Variants in GRM5 observed in about 807,000 individuals in gnomAD.
GRM5 encodes metabotropic glutamate receptor 5.
A neutral mutation model predicts 83.1 loss-of-function variants in GRM5; 19 were observed. The observed-to-expected ratio is 0.23, with a 90% CI of 0.16 to 0.34. The LOEUF (loss-of-function observed/expected upper bound fraction) is 0.34. GRM5 is among the 10% of genes least tolerant of loss of function. GRM5 has a pLI of 1.00. For missense variants in GRM5, 1,160 were observed against 1,588.3 expected (o/e 0.73, Z 4.58); for synonymous variants, 675 against 633.6 (o/e 1.07, Z -0.98).
chr11:88,634,385 A>C (rs1939061593), intron 4 of GRM5, among the ~76,000 whole-genome samples: 1 of 152,214 alleles, frequency 6.6e-6, no homozygotes, highest in African/African-American at 2.4e-5. Context: ...AATAACACAT[A>C]GCTTAAAACA....
chr11:88,764,405 G>A (rs1177435642), intron 3 of GRM5, among the ~76,000 whole-genome samples: 1 of 151,564 alleles, frequency 6.6e-6, no homozygotes, highest in Non-Finnish European at 1.5e-5. Context: ...CATAGACATT[G>A]TTTTTATGTG....
chr11:89,064,888 CTGTGTGTGTGTG>C (rs71464050), intron 1 of GRM5, among the ~76,000 whole-genome samples: 2 of 62,212 alleles, frequency 3.2e-5, no homozygotes, highest in African/African-American at 1.4e-4. Context: ...CTCTCTCTCT[CTGTGTGTGTGTG>C]TGTGTGTGTG....
chr11:88,608,764 C>A (rs1938239051), intron 4 of GRM5, among the ~76,000 whole-genome samples: 1 of 152,022 alleles, frequency 6.6e-6, no homozygotes, highest in African/African-American at 2.4e-5. Flanking sequence ...TCGTGATTGG[C>A]CCCCACTTGG....
chr11:88,954,208 T>A (rs1938542478), intron 2 of GRM5, among the ~76,000 whole-genome samples: 1 of 152,324 alleles, frequency 6.6e-6, no homozygotes, highest in South Asian at 2.1e-4. Flanking sequence ...TGTGGTGCCT[T>A]CTACATCAAC....
chr11:88,826,873 T>A (rs2135515484), intron 3 of GRM5, among the ~76,000 whole-genome samples: 2 of 152,324 alleles, frequency 1.3e-5, no homozygotes, highest in African/African-American at 4.8e-5. Context: ...TTTTGCTACA[T>A]AATCCAGCCT....
At chr11:88,599,733 G>T (rs1236882573) in intron 5 of GRM5, among the ~76,000 whole-genome samples, 5 of 152,142 alleles carry the variant, frequency 3.3e-5, no homozygotes, top group African/African-American at 1.2e-4. Flanking sequence ...ATAACAGAAG[G>T]TCAGGCACGG....
At chr11:88,625,814 A>T (rs1054759865) in intron 4 of GRM5, among the ~76,000 whole-genome samples, 3 of 152,204 alleles carry the variant, frequency 2.0e-5, no homozygotes, top group African/African-American at 7.2e-5. Context: ...GCAACAAAAA[A>T]ATCAGACAAA....
At chr11:88,665,798 G>C (rs1350241680) in intron 3 of GRM5, among the ~76,000 whole-genome samples, 2 of 119,092 alleles carry the variant, frequency 1.7e-5, no homozygotes, top group African/African-American at 5.4e-5. Flanking sequence ...TTTTTAATTT[G>C]TTTAAGTTGT....
At chr11:88,844,651 CCTT>C (rs1239136653) in intron 3 of GRM5, among the ~76,000 whole-genome samples, 3 of 152,142 alleles carry the variant, frequency 2.0e-5, no homozygotes, top group Non-Finnish European at 4.4e-5. Context: ...AAGTTGGAAA[CCTT>C]CTGGAAAGGA....
intron 3 of GRM5, among the ~76,000 whole-genome samples, chr11:88,758,710 A>G (rs1439116775): frequency 2.6e-5 from 4 of 152,192 alleles, no homozygotes; most frequent in Non-Finnish European, 5.9e-5. Flanking sequence ...CTAGCCAGAG[A>G]GGCAAATGTT....
chr11:88,935,234 G>A (rs761089643), intron 2 of GRM5, among the ~76,000 whole-genome samples: 58 of 151,836 alleles, frequency 3.8e-4, no homozygotes, highest in Non-Finnish European at 5.4e-4. Context: ...AATTGTGTTG[G>A]CTGTCAATTT....
chr11:88,957,716 T>C (rs913235497), intron 2 of GRM5, among the ~76,000 whole-genome samples: 20 of 152,190 alleles, frequency 1.3e-4, no homozygotes, highest in African/African-American at 4.6e-4. Flanking sequence ...CTCTATTACA[T>C]TGAAGAATAT....
intron 3 of GRM5, among the ~76,000 whole-genome samples, chr11:88,757,764 T>C (rs1942426389): frequency 6.6e-6 from 1 of 152,260 alleles, no homozygotes; most frequent in African/African-American, 2.4e-5. Context: ...CCATGCTACC[T>C]CTGCCACTGG....
At chr11:88,546,920 T>A (rs573778783) in intron 8 of GRM5, among the ~76,000 whole-genome samples, 1 of 152,190 alleles carries the variant, frequency 6.6e-6, no homozygotes, top group South Asian at 2.1e-4. Context: ...TAGTGTATTT[T>A]TCAACAAAAA....
chr11:88,956,680 C>G (rs1376373490), intron 2 of GRM5, among the ~76,000 whole-genome samples: 3 of 152,164 alleles, frequency 2.0e-5, no homozygotes, highest in African/African-American at 4.8e-5. Context: ...GTGGCGGGGG[C>G]CTGTAGTCCC....
chr11:88,853,888 C>CTT (rs59528082), intron 2 of GRM5, among the ~76,000 whole-genome samples: 61,814 of 150,568 alleles, frequency 0.41, 12,821 homozygotes, highest in East Asian at 0.49. Context: ...TAATAGAAAA[C>CTT]TTCACGGAAG....
intron 9 of GRM5, among the ~76,000 whole-genome samples, chr11:88,517,904 A>G (rs1271656769): frequency 6.6e-6 from 1 of 152,120 alleles, no homozygotes; most frequent in Non-Finnish European, 1.5e-5. Context: ...TTGTACATAA[A>G]TGTGTGCATA....
At chr11:89,006,960 G>T (rs968354082) in intron 2 of GRM5, among the ~76,000 whole-genome samples, 5 of 152,108 alleles carry the variant, frequency 3.3e-5, no homozygotes, top group African/African-American at 1.2e-4. Context: ...ACCACACCCG[G>T]CTAATTTTTT....
At chr11:88,532,956 A>T (rs2135119770) in intron 8 of GRM5, among the ~76,000 whole-genome samples, 1 of 152,224 alleles carries the variant, frequency 6.6e-6, no homozygotes, top group East Asian at 1.9e-4. Context: ...ACCCTGGCCC[A>T]AGCCACCAAT....
Sources: gnomAD v4.1 joint callset for allele counts (sites outside exome capture counted in the v4.1 genomes callset) on GRCh38, gnomAD v4.1.1 for gene constraint, MANE v1.5 for transcripts, NCBI Gene and HGNC (gene_info 2026-07-23, HGNC 2026-07-21) for gene names.